Variants in ATP1A3 observed in about 807,000 individuals in gnomAD.
ATP1A3 encodes the protein sodium/potassium-transporting ATPase subunit alpha-3.
ATP1A3 carries 12 observed loss-of-function variants against 108.8 expected under a neutral mutation model. The ratio of observed to expected loss-of-function variants is 0.11; its 90% CI spans 0.07 to 0.18. The LOEUF is 0.18. Among genes scored for constraint, ATP1A3 ranks in the 10% least tolerant of loss-of-function variants. The probability of loss-of-function intolerance (pLI) is 1.00; values close to 1 mark genes in which losing one functional copy is unlikely to be tolerated. For missense variants in ATP1A3, 498 were observed against 1,387.7 expected, an observed-to-expected ratio of 0.36 and a Z score of 10.19; for synonymous variants, 539 against 564.5, an observed-to-expected ratio of 0.95 and a Z score of 0.64.
At position 41,986,435 on chromosome 19, in the gene ATP1A3, T is replaced by A. The variant is rs117516508; in HGVS notation, c.358-206A>T. On this transcript the variant is annotated intron_variant, in intron 4 of 22. Transcript: ENST00000648268. ...TCTTTCTGTAATGGTTGTGTTTGAA[T>A]CTAAGGGTCTGTCGATTTTTTTTTT... 3,976 of 507,424 alleles carry A rather than the reference T, an allele frequency of 7.8e-3. 32 individuals are homozygous for A. The highest frequency in any genetic ancestry group is 0.012 in the Non-Finnish European group (3,294 of 278,640). 31.4% of individuals were successfully genotyped at this position (507,424 alleles called of 1,614,324 possible). A position where few individuals can be genotyped will look rare whatever the true frequency, so the allele number is the denominator to read the frequency against.
chr19:41,976,304 G>A (rs1233120326), intron 15 of ATP1A3, 112 bp downstream of exon 15: 6 of 1,427,840 alleles, frequency 4.2e-6, no homozygotes, highest in Middle Eastern at 2.3e-4. Context: ...CTCAGACCCA[G>A]GGGTCCAGAC....
Position 41,967,239 on chromosome 19 carries a change from G to A in ATP1A3, c.3013+10C>T, listed in dbSNP as rs782023293. Reference sequence around the variant, plus strand: ...CCGCCCCCCTCGGCTGCCTTGCCGAGCTCCCTCACCCCCTGGGTTCCTGCG... The same window carrying A: ...CCGCCCCCCTCGGCTGCCTTGCCGAACTCCCTCACCCCCTGGGTTCCTGCG... On this transcript the variant is annotated intron_variant, in intron 22 of 22. Transcript: ENST00000648268. This position sits in a 1 kb window ranked among gnomAD's most constrained non-coding sequence, Gnocchi z 4.2. The A allele has an allele frequency of 3.1e-6, 5 of 1,614,042 alleles. No homozygotes were observed. Among genetic ancestry groups the A allele is most frequent in the Non-Finnish European group, 4.2e-6 (5 of 1,180,006 alleles).
At chr19:41,984,346 C>T (rs2075265665) in intron 8 of ATP1A3, 1 of 154,310 alleles carries the variant, frequency 6.5e-6, no homozygotes, top group Non-Finnish European at 1.4e-5. Context: ...CTGCCTCAGC[C>T]TCCTGAGTAG....
chr19:41,972,624 G>T (rs1380458015), intron 16 of ATP1A3, among the ~76,000 whole-genome samples: 1 of 151,878 alleles, frequency 6.6e-6, no homozygotes, highest in African/African-American at 2.4e-5. Context: ...AATTAGCTGG[G>T]AGTGGTGGTG....
Position 41,983,154 on chromosome 19 carries a change from T to G in ATP1A3, c.994-1048A>C, listed in dbSNP as rs188320077. Among the ~76,000 whole-genome samples the G allele has an allele frequency of 5.2e-3, 785 of 152,168 alleles. 6 individuals are homozygous for G. The highest frequency in any genetic ancestry group is 0.016 in the African/African-American group (646 of 41,506). ...GTGCAGTGGCTCGATCTCAGCTCAC[T>G]GCAACCTCCACCTCCCAGGTTCAAG... On this transcript the variant is annotated intron_variant, in intron 8 of 22. Transcript: ENST00000648268.
chr19:41,970,991 G>GT (rs1329949126), intron 16 of ATP1A3, among the ~76,000 whole-genome samples: 1 of 150,528 alleles, frequency 6.6e-6, no homozygotes, highest in Admixed American at 6.7e-5. Flanking sequence ...TTGGGACAGG[G>GT]TCTCACTCTG....
At chr19:41,972,825 G>GGAAGGAAGGAAGGAAGGAAGGAAT (rs1555860207) in intron 16 of ATP1A3, among the ~76,000 whole-genome samples, 1 of 135,272 alleles carries the variant, frequency 7.4e-6, no homozygotes, top group Non-Finnish European at 1.6e-5. Context: ...AAGGAAGGAA[G>GGAAGGAAGGAAGGAAGGAAGGAAT]GAAGGAAGGA....
At chr19:41,982,217 G>T in intron 8 of ATP1A3, 111 bp from the exon 9 acceptor site, 1 of 1,579,068 alleles carries the variant, frequency 6.3e-7, no homozygotes, top group Non-Finnish European at 8.7e-7. Flanking sequence ...AATCCTGAGG[G>T]CCTGGAAAAG....
Position 41,967,519 on chromosome 19 carries a change from T to C in ATP1A3, c.2921+143A>G. 8.7e-7 allele frequency: 1 copy of C among 1,155,678 alleles called. No homozygotes were observed. The highest frequency in any genetic ancestry group is 1.2e-6 in the Non-Finnish European group (1 of 810,316). 71.6% of individuals were successfully genotyped at this position (1,155,678 alleles called of 1,614,324 possible). A position where few individuals can be genotyped will look rare whatever the true frequency, so the allele number is the denominator to read the frequency against. ...GGAGTAATCCGTGGTGGGAGCAGCC[T>C]ATGGGGGAGGCTCGGGGGCATCAGA... On this transcript the variant is annotated intron_variant, in intron 21 of 22. Coordinates refer to ENST00000648268, the MANE Select transcript of ATP1A3 (RefSeq NM_152296.5). This position sits in a 1 kb window ranked among gnomAD's most constrained non-coding sequence, Gnocchi z 4.2.
chr19:41,967,039 A>T lies in ATP1A3; in HGVS notation c.3014-74T>A. 1 of 1,551,742 alleles carries T rather than the reference A, an allele frequency of 6.4e-7. No individual in the cohort carries two copies. The highest frequency in any genetic ancestry group is 8.7e-7 in the Non-Finnish European group (1 of 1,147,000). On this transcript the variant is annotated intron_variant, in intron 22 of 22. Transcript: ENST00000648268. This position sits in a 1 kb window ranked among gnomAD's most constrained non-coding sequence, Gnocchi z 4.2. ...AGACAGGCAAGGCGAGCCGCCCAGC[A>T]GAGAGAGGGACAGAGAGGGAGAGAG...
chr19:41,990,379 A>G (rs1335969730), intron 1 of ATP1A3, among the ~76,000 whole-genome samples: 1 of 94,676 alleles, frequency 1.1e-5, no homozygotes, highest in Admixed American at 1.0e-4. Context: ...GTCTCTCTCA[A>G]ATCTTCCGTC....
At chr19:41,993,283 C>T (rs150263187) in intron 1 of ATP1A3, 231 of 1,148,428 alleles carry the variant, frequency 2.0e-4, no homozygotes, top group Admixed American at 3.0e-4. Context: ...GAGAGACTCA[C>T]AGACAGACAA....
intron 14 of ATP1A3, among the ~76,000 whole-genome samples, chr19:41,977,533 A>T (rs1213197101): frequency 0.016 from 2 of 128 alleles, no homozygotes; most frequent in Non-Finnish European, 0.031. Flanking sequence ...CTAAAAATAC[A>T]AAAAAAAAAA....
intron 1 of ATP1A3, among the ~76,000 whole-genome samples, chr19:41,991,233 G>A (rs2075335388): frequency 6.6e-6 from 1 of 152,214 alleles, no homozygotes; most frequent in Non-Finnish European, 1.5e-5. Context: ...TAATCTCCTC[G>A]TGACCTTGTA....
intron 4 of ATP1A3, 124 bp from the exon 5 acceptor site, chr19:41,986,353 C>G (rs1473447851): frequency 3.3e-6 from 3 of 907,158 alleles, no homozygotes; most frequent in Non-Finnish European, 5.1e-6. Flanking sequence ...GTGTCTGACC[C>G]TAGGTTGGTT....
intron 14 of ATP1A3, among the ~76,000 whole-genome samples, chr19:41,976,849 A>G (rs967859302): frequency 6.6e-6 from 1 of 151,860 alleles, no homozygotes; most frequent in African/African-American, 2.4e-5. Context: ...CTGTCACCCA[A>G]GCTGGAGTGC....
At chr19:41,982,541 C>G (rs1297929800) in intron 8 of ATP1A3, among the ~76,000 whole-genome samples, 1 of 151,896 alleles carries the variant, frequency 6.6e-6, no homozygotes. Context: ...CACGAGAACC[C>G]CTTGAACCCA....
In ATP1A3 at chr19:41,970,463, C is replaced by T; in HGVS notation, c.2343G>A (p.Leu781=). The change falls in exon 17 of 23, where the codon CTG becomes CTA. Residue 781 remains leucine (L), a synonymous_variant. Coordinates refer to ENST00000648268, the MANE Select transcript of ATP1A3 (RefSeq NM_152296.5). The part of the protein sequence containing the change: ...TSNIPEITPF[L]LFIMANIPLP... ...GCGGGATGTTGGCCATGATGAACAG[C>T]AGGAAGGGCGTGATCTCCGGGATAT... 1 of 1,614,036 alleles carries T rather than the reference C, an allele frequency of 6.2e-7. No individual in the cohort carries two copies.
Position 41,994,190 on chromosome 19 carries a change from G to GCGTCCGTC in ATP1A3, c.-122_-115dup. 1 of 1,031,910 alleles carries GCGTCCGTC rather than the reference G, an allele frequency of 9.7e-7. No homozygotes were observed. The highest frequency in any genetic ancestry group is 3.2e-5 in the East Asian group (1 of 31,312). 63.9% of individuals were successfully genotyped at this position (1,031,910 alleles called of 1,614,324 possible). On this transcript the variant is annotated 5_prime_UTR_variant, in exon 1 of 23. Transcript: ENST00000648268. ...AGCGCCCGCGCCTCGGTAGGTGCGC[G>GCGTCCGTC]CGTCCGTCCGTCCGTCCGTTGGTCC...
Sources: allele counts gnomAD v4.1 joint callset (sites outside exome capture counted in the v4.1 genomes callset), GRCh38; gene constraint gnomAD v4.1.1; non-coding constraint Gnocchi (gnomAD v3.1); transcripts MANE v1.5; gene names NCBI Gene and HGNC (gene_info 2026-07-23, HGNC 2026-07-21).